The following SLC13A2 variants were observed in gnomAD, a reference collection of about 807,000 sequenced individuals.
The protein encoded by SLC13A2 is solute carrier family 13 member 2.
Under a neutral mutation model 58.5 loss-of-function variants are expected in SLC13A2, and 40 were observed. The observed-to-expected ratio is 0.68, with a 90% confidence interval of 0.53 to 0.89. The LOEUF (loss-of-function observed/expected upper bound fraction) is 0.89, where lower values mean the gene tolerates loss of function less well. Ranked by LOEUF, SLC13A2 falls within the 40% of genes least tolerant of loss-of-function variation. SLC13A2 has a pLI of 0.00. For synonymous variants in SLC13A2, 341 were observed against 331.6 expected (o/e 1.03, Z -0.31); for missense variants, 694 against 772.6 (o/e 0.90, Z 1.21).
chr17:28,490,495 C>CG lies in SLC13A2; in HGVS notation c.279dup (p.Leu94AlafsTer14), dbSNP rs782462755. The CG allele has an allele frequency of 3.1e-6, 5 of 1,613,994 alleles. No individual in the cohort carries two copies. Among genetic ancestry groups the CG allele is most frequent in the South Asian group, 1.1e-5 (1 of 91,082 alleles). ...TTAAGGACTCCAACCTCCTGTTCTT[C>CG]GGGGGGCTGCTGGTGGCCATCGCGG... On this transcript the variant is annotated frameshift_variant, in exon 3 of 12. Transcript: ENST00000314669. LOFTEE classifies it high-confidence loss of function.
At chr17:28,489,856 C>T (rs962214488) in intron 2 of SLC13A2, among the ~76,000 whole-genome samples, 1 of 152,222 alleles carries the variant, frequency 6.6e-6, no homozygotes, top group Non-Finnish European at 1.5e-5. Flanking sequence ...ACTAAAGTAT[C>T]TATCTCCCAG....
intron 1 of SLC13A2, among the ~76,000 whole-genome samples, chr17:28,477,603 T>A (rs2068711550): frequency 6.6e-6 from 1 of 152,200 alleles, no homozygotes; most frequent in Admixed American, 6.5e-5. Flanking sequence ...CTTAGCCCCA[T>A]GGCCCTGGCC....
intron 1 of SLC13A2, among the ~76,000 whole-genome samples, chr17:28,484,678 A>G (rs1265177383): frequency 1.3e-5 from 2 of 152,100 alleles, no homozygotes; most frequent in Non-Finnish European, 2.9e-5. Context: ...TCAAGAGAGG[A>G]AGCTGGGAGA....
intron 6 of SLC13A2, among the ~76,000 whole-genome samples, chr17:28,492,230 G>A (rs1555603672): frequency 6.6e-6 from 1 of 152,190 alleles, no homozygotes; most frequent in African/African-American, 2.4e-5. Flanking sequence ...ACTGGGTTGT[G>A]TGTAAGGCAC....
Position 28,491,781 on chromosome 17 carries a change from C to T in SLC13A2, c.807C>T (p.Phe269=), listed in dbSNP as rs1555603556. ...NVVNFASWFS[F]AFPTMVILLL... ...TGAACTTCGCCTCCTGGTTCAGCTT[C>T]GCCTTCCCCACCATGGTCATCTTGC... The change falls in exon 6 of 12, where the codon TTC becomes TTT. Residue 269 remains phenylalanine, a synonymous_variant. Coordinates refer to ENST00000314669, the MANE Select transcript of SLC13A2 (RefSeq NM_003984.4). The T allele has an allele frequency of 5.6e-6, 9 of 1,614,200 alleles. No individual in the cohort carries two copies. The highest frequency in any genetic ancestry group is 2.2e-5 in the South Asian group (2 of 91,078).
intron 6 of SLC13A2, among the ~76,000 whole-genome samples, chr17:28,492,986 A>G (rs537920951): frequency 5.3e-5 from 8 of 152,272 alleles, no homozygotes; most frequent in Admixed American, 2.0e-4. Flanking sequence ...AGAGGTCAGC[A>G]CAGTGCCAGG....
chr17:28,494,073 C>G lies in SLC13A2; in HGVS notation c.1154C>G (p.Pro385Arg). The G allele has an allele frequency of 6.2e-7, 1 of 1,614,142 alleles. No individual in the cohort carries two copies. Among genetic ancestry groups the G allele is most frequent in the Non-Finnish European group, 8.5e-7 (1 of 1,180,014 alleles). ...ATCGGCATAATTATGTTCATCATAC[C>G]CTCCAAGTTCCCAGGGCTGACCCAG... is the stretch of plus-strand genomic sequence containing the variant. ...IFIGIIMFII[P>R]SKFPGLTQDP... The change falls in exon 8 of 12, where the codon CCC (proline) becomes CGC (arginine). Residue 385 changes from proline to arginine, a missense_variant. Transcript: ENST00000314669. This position sits in a 1 kb window ranked among gnomAD's most constrained non-coding sequence, Gnocchi z 4.0.
At position 28,491,504 on chromosome 17, in the gene SLC13A2, T is replaced by C; in HGVS notation, c.642T>C (p.His214=). 1 of 1,613,758 alleles carries C rather than the reference T, an allele frequency of 6.2e-7. No homozygotes were observed. The highest frequency in any genetic ancestry group is 8.5e-7 in the Non-Finnish European group (1 of 1,180,032). Reference sequence around the variant, plus strand: ...GGAGGGCACATCTCAGCCAGAAGCATCTCCACCTCACCCAGTGCATGAGCC... The same window carrying C: ...GGAGGGCACATCTCAGCCAGAAGCACCTCCACCTCACCCAGTGCATGAGCC... ...SEGRAHLSQK[H]LHLTQCMSLC... is the part of the protein sequence containing the mutation. Residue 214 remains histidine, a synonymous_variant, in exon 5 of 12, where the codon CAT becomes CAC. Transcript: ENST00000314669.
chr17:28,493,933 C>T, intron 7 of SLC13A2, 84 bp from the exon 8 acceptor site: 1 of 1,475,460 alleles, frequency 6.8e-7, no homozygotes, highest in South Asian at 1.2e-5. Context: ...ATGGGAGAGG[C>T]TCATCTCCAC....
At position 28,497,137 on chromosome 17, in the gene SLC13A2, G is replaced by A. The variant is rs1597514172; in HGVS notation, c.1647G>A (p.Leu549=). ...TCCTCCTCAACATCATTGGAGTCCT[G>A]ATCATCGCACTGGCCATCAACAGCT... ...AGFLLNIIGV[L]IIALAINSWG... Residue 549 remains leucine, a synonymous_variant, in exon 12 of 12, where the codon CTG becomes CTA. Coordinates refer to ENST00000314669, the MANE Select transcript of SLC13A2 (RefSeq NM_003984.4). 6.2e-7 allele frequency: 1 copy of A among 1,613,958 alleles called. No homozygotes were observed. The highest frequency in any genetic ancestry group is 1.3e-5 in the African/African-American group (1 of 74,870).
chr17:28,476,794 C>T (rs142476148), intron 1 of SLC13A2, among the ~76,000 whole-genome samples: 9 of 152,262 alleles, frequency 5.9e-5, no homozygotes, highest in South Asian at 4.1e-4. Flanking sequence ...ATGTCGGCTC[C>T]GTGAGGACAG....
chr17:28,489,397 G>T (rs2068956939), intron 2 of SLC13A2, 55 bp downstream of exon 2: 2 of 1,559,782 alleles, frequency 1.3e-6, no homozygotes, highest in Admixed American at 3.6e-5. Context: ...GCCAGGGGGT[G>T]GGTTCCCTCA....
At position 28,494,244 on chromosome 17, in the gene SLC13A2, G is replaced by C; in HGVS notation, c.1186+139G>C. ...CGACTTGCCAAGGGCACAGGGACTC[G>C]GAGACAAAGTTGAGATGTTGCAGAA... On this transcript the variant is annotated intron_variant, in intron 8 of 11. Coordinates refer to ENST00000314669, the MANE Select transcript of SLC13A2 (RefSeq NM_003984.4). This position sits in a 1 kb window ranked among gnomAD's most constrained non-coding sequence, Gnocchi z 4.0. 2.0e-6 allele frequency: 3 copies of C among 1,512,278 alleles called. No homozygotes were observed. Among genetic ancestry groups the C allele is most frequent in the Non-Finnish European group, 2.7e-6 (3 of 1,095,996 alleles). The allele number at this position is 1,512,278 out of a possible 1,614,324, so 93.7% of individuals were successfully genotyped here. A position where few individuals can be genotyped will look rare whatever the true frequency, so the allele number is the denominator to read the frequency against.
chr17:28,485,547 T>C (rs2068864683), intron 1 of SLC13A2, among the ~76,000 whole-genome samples: 1 of 151,968 alleles, frequency 6.6e-6, no homozygotes, highest in Non-Finnish European at 1.5e-5. Context: ...CCTCAGGGAG[T>C]GCCCGAGAGT....
At chr17:28,481,611 G>C (rs2068787843) in intron 1 of SLC13A2, among the ~76,000 whole-genome samples, 1 of 152,164 alleles carries the variant, frequency 6.6e-6, no homozygotes, top group Admixed American at 6.5e-5. Context: ...CAAAAATCAG[G>C]GGAATTGGCA....
At chr17:28,490,988 T>G in intron 4 of SLC13A2, 82 bp downstream of exon 4, 1 of 1,308,698 alleles carries the variant, frequency 7.6e-7, no homozygotes, top group Non-Finnish European at 1.0e-6. Flanking sequence ...CGAGGGCTGG[T>G]CATCTTGGAG....
chr17:28,490,674 G>T (rs782624852), intron 3 of SLC13A2, 27 bp from the exon 4 acceptor site: 6 of 1,600,816 alleles, frequency 3.7e-6, no homozygotes, highest in Non-Finnish European at 5.1e-6. Flanking sequence ...AGCTGGAACA[G>T]CAGTGTGTCT....
chr17:28,492,117 T>G (rs2069039908), intron 6 of SLC13A2, among the ~76,000 whole-genome samples: 1 of 152,106 alleles, frequency 6.6e-6, no homozygotes, highest in African/African-American at 2.4e-5. Flanking sequence ...CCAGGTCACT[T>G]GATGCCCCTT....
Position 28,490,836 on chromosome 17 carries a change from C to T in SLC13A2, c.504C>T (p.Val168=), listed in dbSNP as rs149254674. 1,472 of 1,614,102 alleles carry T rather than the reference C, an allele frequency of 9.1e-4. No individual in the cohort carries two copies. Among genetic ancestry groups the T allele is most frequent in the Non-Finnish European group, 1.2e-3 (1,369 of 1,180,008 alleles). Residue 168 remains valine (V), a synonymous_variant, in exon 4 of 12, where the codon GTC becomes GTT. Transcript: ENST00000314669. ...QLHSSQASSN[V]EEGSNNPTFE... ...ACAGCTCGCAAGCCAGCAGCAACGT[C>T]GAGGAGGGCAGCAACAACCCCACCT...
Sources: allele counts gnomAD v4.1 joint callset (sites outside exome capture counted in the v4.1 genomes callset), GRCh38; gene constraint gnomAD v4.1.1; non-coding constraint Gnocchi (gnomAD v3.1); transcripts MANE v1.5; gene names NCBI Gene and HGNC (gene_info 2026-07-23, HGNC 2026-07-21).